The following RAF1 variants were observed in gnomAD, a reference collection of about 807,000 sequenced individuals.
RAF1 encodes Raf-1 proto-oncogene, serine/threonine kinase.
A neutral mutation model predicts 81.1 loss-of-function variants in RAF1; 27 were observed. That is an observed-to-expected ratio of 0.33 (90% confidence interval 0.25 to 0.46). The LOEUF (loss-of-function observed/expected upper bound fraction) is 0.46. RAF1 is among the 20% of genes least tolerant of loss of function. The pLI, the probability that RAF1 is intolerant of heterozygous loss-of-function variation, is 1.00. For missense variants in RAF1, 598 were observed against 826.0 expected (o/e 0.72, Z 3.38); for synonymous variants, 298 against 294.0 (o/e 1.01, Z -0.14).
At chr3:12,594,210 A>G (rs2058617361) in intron 11 of RAF1, among the ~76,000 whole-genome samples, 1 of 152,180 alleles carries the variant, frequency 6.6e-6, no homozygotes, top group Admixed American at 6.5e-5. Context: ...GATGAAGGTA[A>G]GAAATCCTGT....
In RAF1 at chr3:12,584,479, C is replaced by T. The variant is rs1559397530; in HGVS notation, c.*35G>A. 1.2e-6 allele frequency: 2 copies of T among 1,614,044 alleles called. No individual in the cohort carries two copies. The highest frequency in any genetic ancestry group is 1.7e-6 in the Non-Finnish European group (2 of 1,179,946). On this transcript the variant is annotated 3_prime_UTR_variant, in exon 18 of 18. Transcript: ENST00000442415. ...AAGTGGTGCCTGCTGGCTTCTCCTCCTCCCCTGGCAGCCTGAAGACAGGTG... is the reference window on the plus strand; with the variant it reads ...AAGTGGTGCCTGCTGGCTTCTCCTCTTCCCCTGGCAGCCTGAAGACAGGTG...
chr3:12,635,479 A>C (rs1054194284), intron 1 of RAF1, among the ~76,000 whole-genome samples: 1 of 151,330 alleles, frequency 6.6e-6, no homozygotes, highest in African/African-American at 2.4e-5. Context: ...TCTACTAAAA[A>C]TACAAAATTA....
In RAF1 at chr3:12,634,412, A is replaced by G. The variant is rs964885710; in HGVS notation, c.-26-15665T>C. On this transcript the variant is annotated intron_variant, in intron 1 of 17. Transcript: ENST00000442415. ...GTGATCCACCCGCCTCGGCCTCCCA[A>G]AATGCTGGGATTACGGGCTTGAGCC... is the stretch of plus-strand genomic sequence containing the variant. Among the ~76,000 whole-genome samples the G allele has an allele frequency of 4.6e-5, 7 of 152,166 alleles. No individual in the cohort carries two copies. The East Asian group carries it at 1.4e-3, about 29-fold the overall frequency.
chr3:12,611,525 C>G (rs999490101), intron 3 of RAF1, among the ~76,000 whole-genome samples: 27 of 152,182 alleles, frequency 1.8e-4, no homozygotes, highest in African/African-American at 6.0e-4. Context: ...ACGGTGAAAC[C>G]CCGTCTCTAC....
chr3:12,662,328 C>T (rs1575697805), intron 1 of RAF1, among the ~76,000 whole-genome samples: 1 of 114,638 alleles, frequency 8.7e-6, no homozygotes, highest in Non-Finnish European at 1.7e-5. Flanking sequence ...AGAGTGAGAT[C>T]CTGTTCCTTT....
At chr3:12,660,466 T>G (rs2060840270) in intron 1 of RAF1, among the ~76,000 whole-genome samples, 1 of 152,018 alleles carries the variant, frequency 6.6e-6, no homozygotes, top group Non-Finnish European at 1.5e-5. Context: ...CCCTGCTGAT[T>G]TTTTTCTTTT....
chr3:12,647,590 T>G (rs944925506), intron 1 of RAF1, among the ~76,000 whole-genome samples: 1 of 145,844 alleles, frequency 6.9e-6, no homozygotes, highest in East Asian at 1.9e-4. Flanking sequence ...TGAGACCCTG[T>G]CTCAAACAAA....
At chr3:12,585,090 A>C (rs1223241094) in intron 16 of RAF1, 32 bp downstream of exon 15, 3 of 1,613,964 alleles carry the variant, frequency 1.9e-6, no homozygotes, top group Admixed American at 1.7e-5. Context: ...GGCTCCCACG[A>C]GTTGGGTCCT....
intron 1 of RAF1, among the ~76,000 whole-genome samples, chr3:12,660,867 C>A (rs2060853462): frequency 6.6e-6 from 1 of 152,086 alleles, no homozygotes. Context: ...CCCAGCTACT[C>A]AGGAGGCTGA....
intron 6 of RAF1, among the ~76,000 whole-genome samples, chr3:12,605,017 G>GA (rs1284561588): frequency 2.6e-5 from 4 of 152,034 alleles, no homozygotes; most frequent in African/African-American, 9.7e-5. Flanking sequence ...CTATTGTCTT[G>GA]AAAAAAATGC....
At chr3:12,650,820 G>A (rs1339972714) in intron 1 of RAF1, among the ~76,000 whole-genome samples, 2 of 152,216 alleles carry the variant, frequency 1.3e-5, no homozygotes, top group African/African-American at 4.8e-5. Context: ...ATTAAAGGTA[G>A]GGAGGATTCT....
At chr3:12,636,204 T>C (rs1022426597) in intron 1 of RAF1, among the ~76,000 whole-genome samples, 2 of 151,390 alleles carry the variant, frequency 1.3e-5, no homozygotes, top group African/African-American at 2.4e-5. Flanking sequence ...GAGAATCCCT[T>C]GAACCCGGGA....
intron 8 of RAF1, among the ~76,000 whole-genome samples, chr3:12,600,898 C>A (rs555360810): frequency 6.6e-6 from 1 of 152,312 alleles, no homozygotes; most frequent in African/African-American, 2.4e-5. Flanking sequence ...AAACCACATT[C>A]TTTTTCTCAA....
intron 2 of RAF1, among the ~76,000 whole-genome samples, chr3:12,615,173 G>A (rs1055414261): frequency 6.6e-6 from 1 of 152,136 alleles, no homozygotes; most frequent in East Asian, 1.9e-4. Context: ...TTAACCTGCT[G>A]GTCAGCTGAC....
At chr3:12,606,446 T>C in intron 5 of RAF1, 147 bp from the exon 6 acceptor site, 4 of 689,088 alleles carry the variant, frequency 5.8e-6, no homozygotes, top group South Asian at 4.6e-5. Flanking sequence ...TTACCTAGAA[T>C]AAAGGGAACA....
intron 1 of RAF1, among the ~76,000 whole-genome samples, chr3:12,637,832 G>T (rs1049433140): frequency 2.0e-5 from 3 of 152,168 alleles, no homozygotes; most frequent in East Asian, 3.9e-4. Context: ...CAGCCTGGGC[G>T]ATAGAGCAAG....
intron 1 of RAF1, among the ~76,000 whole-genome samples, chr3:12,620,629 C>G (rs1033310366): frequency 6.6e-6 from 1 of 152,018 alleles, no homozygotes; most frequent in African/African-American, 2.4e-5. Context: ...CATCACCATG[C>G]CCAGCTAATT....
In RAF1 at chr3:12,587,837, C is replaced by CTTTTTTTTTTTTT. The variant is rs374515740; in HGVS notation, c.1431-213_1431-201dup. On this transcript the variant is annotated intron_variant, in intron 13 of 17. Coordinates refer to ENST00000442415, the MANE Select transcript of RAF1 (RefSeq NM_001354689.3). ...GGCCACAGCACAAACATGCTTACAC[C>CTTTTTTTTTTTTT]TTTTTTTTTTTTTTTTTGGAGACTG... The CTTTTTTTTTTTTT allele has an allele frequency of 1.3e-3, 256 of 194,676 alleles. 21 individuals carry two copies. The highest frequency in any genetic ancestry group is 6.6e-3 in the African/African-American group (207 of 31,286). The allele number at this position is 194,676 out of a possible 1,614,324, so 12.1% of individuals were successfully genotyped here. A position where few individuals can be genotyped will look rare whatever the true frequency, so the allele number is the denominator to read the frequency against.
chr3:12,614,892 G>A (rs1286793515), intron 2 of RAF1, among the ~76,000 whole-genome samples: 1 of 152,082 alleles, frequency 6.6e-6, no homozygotes, highest in Non-Finnish European at 1.5e-5. Context: ...CATACCTAAC[G>A]GAATCATGAC....
Sources: allele counts gnomAD v4.1 joint callset (sites outside exome capture counted in the v4.1 genomes callset), GRCh38; gene constraint gnomAD v4.1.1; transcripts MANE v1.5; gene names NCBI Gene and HGNC (gene_info 2026-07-23, HGNC 2026-07-21).